The following XPR1 variants were observed in gnomAD, a reference collection of about 807,000 sequenced individuals.
XPR1 encodes solute carrier family 53 member 1.
Under a neutral mutation model 87.5 loss-of-function variants are expected in XPR1, and 28 were observed. The ratio of observed to expected loss-of-function variants is 0.32; its 90% CI spans 0.24 to 0.44. The LOEUF (loss-of-function observed/expected upper bound fraction) is 0.44. Ranked by LOEUF, XPR1 falls within the 20% of genes least tolerant of loss-of-function variation. The probability of loss-of-function intolerance (pLI) is 1.00; values close to 1 mark genes in which losing one functional copy is unlikely to be tolerated. For synonymous variants in XPR1, 300 were observed against 306.1 expected (o/e 0.98, Z 0.21); for missense variants, 559 against 862.3 (o/e 0.65, Z 4.41).
intron 3 of XPR1, among the ~76,000 whole-genome samples, chr1:180,789,593 T>C (rs982835638): frequency 6.7e-6 from 1 of 148,154 alleles, no homozygotes; most frequent in Non-Finnish European, 1.5e-5. Context: ...TCTTTTTTCC[T>C]TTTTTTTTGG....
At chr1:180,711,586 C>T (rs1049868722) in intron 2 of XPR1, among the ~76,000 whole-genome samples, 2 of 148,646 alleles carry the variant, frequency 1.3e-5, no homozygotes, top group Non-Finnish European at 3.0e-5. Context: ...TTGGGCTCGG[C>T]GTCAGAGGGA....
intron 2 of XPR1, among the ~76,000 whole-genome samples, chr1:180,754,889 C>A (rs75289447): frequency 9.7e-4 from 147 of 151,858 alleles, no homozygotes; most frequent in African/African-American, 3.3e-3. Flanking sequence ...GTCCGAAAGC[C>A]GAGCACATGG....
At chr1:180,878,375 A>C (rs1380474281) in intron 13 of XPR1, 1 of 152,184 alleles carries the variant, frequency 6.6e-6, no homozygotes, top group Non-Finnish European at 1.5e-5. Flanking sequence ...AGGCGTCTGC[A>C]CTTGCTGTCT....
intron 2 of XPR1, among the ~76,000 whole-genome samples, chr1:180,685,823 C>G (rs564099768): frequency 6.6e-6 from 1 of 152,028 alleles, no homozygotes; most frequent in Non-Finnish European, 1.5e-5. Flanking sequence ...TCTGTGGGAT[C>G]GGTGGTGATA....
At chr1:180,874,992 C>A (rs1296459317) in intron 13 of XPR1, among the ~76,000 whole-genome samples, 1 of 152,174 alleles carries the variant, frequency 6.6e-6, no homozygotes, top group African/African-American at 2.4e-5. Context: ...ATTAATTAAA[C>A]CTGAATGACA....
intron 2 of XPR1, among the ~76,000 whole-genome samples, chr1:180,760,504 T>C (rs966045879): frequency 3.9e-5 from 6 of 152,096 alleles, no homozygotes; most frequent in South Asian, 2.1e-4. Context: ...TGAGTGAACT[T>C]CCATTCACCA....
intron 2 of XPR1, among the ~76,000 whole-genome samples, chr1:180,713,024 C>G (rs1040175366): frequency 7.1e-6 from 1 of 140,494 alleles, no homozygotes; most frequent in Non-Finnish European, 1.5e-5. Flanking sequence ...CTATCCGTTT[C>G]TATAAAAAAA....
intron 7 of XPR1, among the ~76,000 whole-genome samples, chr1:180,817,163 G>A (rs1460452860): frequency 2.0e-5 from 3 of 151,916 alleles, no homozygotes; most frequent in African/African-American, 4.8e-5. Context: ...GAAAAAATAC[G>A]TCTATATTGT....
chr1:180,835,026 G>A lies in XPR1; in HGVS notation c.1287G>A (p.Leu429=). ...LELKWDESKG[L]LPNNSEESGI... ...TCAAATGGGATGAAAGTAAGGGCCT[G>A]TTGCCAAATAATTCAGAAGGTAGGG... is the stretch of plus-strand genomic sequence containing the variant. Residue 429 remains leucine (L), a synonymous_variant, in exon 10 of 15, where the codon CTG becomes CTA. Coordinates refer to ENST00000367590, the MANE Select transcript of XPR1 (RefSeq NM_004736.4). 1 of 1,613,818 alleles carries A rather than the reference G, an allele frequency of 6.2e-7. No individual in the cohort carries two copies. The highest frequency in any genetic ancestry group is 8.5e-7 in the Non-Finnish European group (1 of 1,179,884).
intron 2 of XPR1, among the ~76,000 whole-genome samples, chr1:180,740,081 T>C (rs1387038053): frequency 1.3e-5 from 2 of 152,224 alleles, no homozygotes; most frequent in Non-Finnish European, 2.9e-5. Context: ...TCTAGGAGTT[T>C]TTGATAAATT....
At chr1:180,681,366 C>T (rs1428255156) in intron 1 of XPR1, among the ~76,000 whole-genome samples, 1 of 152,182 alleles carries the variant, frequency 6.6e-6, no homozygotes, top group Non-Finnish European at 1.5e-5. Flanking sequence ...AAATTTCTGG[C>T]CGGGTGCAGT....
intron 2 of XPR1, among the ~76,000 whole-genome samples, chr1:180,755,267 T>C (rs1473893948): frequency 6.6e-6 from 1 of 152,176 alleles, no homozygotes; most frequent in Non-Finnish European, 1.5e-5. Flanking sequence ...CTAAATATAA[T>C]TAGTTCTGCT....
intron 11 of XPR1, among the ~76,000 whole-genome samples, chr1:180,857,723 A>C (rs1305704250): frequency 1.3e-5 from 2 of 152,016 alleles, no homozygotes; most frequent in Non-Finnish European, 2.9e-5. Context: ...GTATATTCTC[A>C]TTCCCTAGAA....
At position 180,634,838 on chromosome 1, in the gene XPR1, T is replaced by G. The variant is rs1037737772; in HGVS notation, c.69+2568T>G. Among the ~76,000 whole-genome samples, 8 of 151,676 alleles carry G rather than the reference T, an allele frequency of 5.3e-5. No homozygotes were observed. The South Asian group carries it at 6.2e-4, about 12-fold the overall frequency. On this transcript the variant is annotated intron_variant, in intron 1 of 14. Coordinates refer to ENST00000367590, the MANE Select transcript of XPR1 (RefSeq NM_004736.4). ...GTTTTACATCTGTAATTATATTTAA[T>G]TATATATAATATGTATATATTGTAG...
At chr1:180,882,579 C>T (rs774964961) in intron 14 of XPR1, among the ~76,000 whole-genome samples, 1 of 152,158 alleles carries the variant, frequency 6.6e-6, no homozygotes, top group Non-Finnish European at 1.5e-5. Context: ...TAGTCTCAAA[C>T]TCCTAGCCTG....
intron 3 of XPR1, among the ~76,000 whole-genome samples, chr1:180,789,174 A>G (rs1649287671): frequency 6.6e-6 from 1 of 152,220 alleles, no homozygotes. Flanking sequence ...ATCTTCTTCT[A>G]AGCATCAGTA....
intron 7 of XPR1, among the ~76,000 whole-genome samples, chr1:180,821,864 A>G (rs1238249696): frequency 6.6e-6 from 1 of 152,206 alleles, no homozygotes; most frequent in Non-Finnish European, 1.5e-5. Flanking sequence ...ACACAAGTGA[A>G]TTTTGTGTGT....
intron 1 of XPR1, among the ~76,000 whole-genome samples, chr1:180,643,803 G>C (rs73047695): frequency 0.032 from 4,886 of 152,124 alleles, 178 homozygotes; most frequent in African/African-American, 0.088. Context: ...TTGAAATTTG[G>C]TAGAACTATT....
At chr1:180,823,449 GGAGA>G (rs1448341165) in intron 7 of XPR1, among the ~76,000 whole-genome samples, 1 of 152,056 alleles carries the variant, frequency 6.6e-6, no homozygotes, top group Non-Finnish European at 1.5e-5. Context: ...TTGAATTAGT[GGAGA>G]GAAAGAACAA....
Sources: gnomAD v4.1 joint callset for allele counts (sites outside exome capture counted in the v4.1 genomes callset) on GRCh38, gnomAD v4.1.1 for gene constraint, MANE v1.5 for transcripts, NCBI Gene and HGNC (gene_info 2026-07-23, HGNC 2026-07-21) for gene names.